HDDC2: variants seen among roughly 807,000 people sequenced by gnomAD.
HDDC2 encodes the protein 5'-deoxynucleotidase HDDC2.
Under a neutral mutation model 25.5 loss-of-function variants are expected in HDDC2, and 25 were observed. The observed-to-expected ratio is 0.98, with a 90% CI of 0.72 to 1.37. The LOEUF is 1.37. Ranked by LOEUF, HDDC2 falls within the 40% of genes most tolerant of loss-of-function variation. The pLI is 0.00. For missense variants in HDDC2, 264 were observed against 253.1 expected (o/e 1.04, Z -0.29); for synonymous variants, 106 against 89.7 (o/e 1.18, Z -1.03).
Position 125,275,581 on chromosome 6 carries a change from GA to G in HDDC2, c.*564del, listed in dbSNP as rs1237152449. The G allele has an allele frequency of 2.0e-5, 3 of 152,294 alleles. No homozygotes were observed. The highest frequency in any genetic ancestry group is 1.3e-4 in the Admixed American group (2 of 15,284). 9.4% of individuals were successfully genotyped at this position (152,294 alleles called of 1,614,324 possible). ...TCTAAATGACAAAAAGTATTGGGAAGAGGGGCAGAGCCTATTAGTAGGTTTA... is the reference window on the plus strand; with the variant it reads ...TCTAAATGACAAAAAGTATTGGGAAGGGGGCAGAGCCTATTAGTAGGTTTA... On this transcript the variant is annotated 3_prime_UTR_variant, in exon 6 of 6. Transcript: ENST00000398153.
intron 3 of HDDC2, chr6:125,297,550 G>A: frequency 2.5e-6 from 1 of 403,636 alleles, no homozygotes; most frequent in Non-Finnish European, 4.3e-6. Context: ...TCAAAATGGA[G>A]TTTCTTATGT....
chr6:125,287,872 CCA>C (rs1798565464), intron 4 of HDDC2, among the ~76,000 whole-genome samples: 1 of 152,214 alleles, frequency 6.6e-6, no homozygotes, highest in African/African-American at 2.4e-5. Flanking sequence ...CCTCATGCCG[CCA>C]CAGTGTCAGG....
intron 4 of HDDC2, chr6:125,278,063 GT>G (rs1798398823): frequency 6.6e-6 from 1 of 152,154 alleles, no homozygotes; most frequent in South Asian, 2.1e-4. Context: ...CCAAGTTCTT[GT>G]TTGTAATTCT....
chr6:125,277,391 G>A, intron 4 of HDDC2, 151 bp from the exon 5 acceptor site: 1 of 668,598 alleles, frequency 1.5e-6, no homozygotes, highest in Non-Finnish European at 2.5e-6. Flanking sequence ...ATCCATCAGA[G>A]ACACTTCTGT....
intron 3 of HDDC2, among the ~76,000 whole-genome samples, chr6:125,298,086 A>G (rs1798731865): frequency 6.6e-6 from 1 of 152,130 alleles, no homozygotes; most frequent in Non-Finnish European, 1.5e-5. Context: ...TATTTTCATT[A>G]TTCTAATGAA....
intron 4 of HDDC2, among the ~76,000 whole-genome samples, chr6:125,280,040 C>T (rs1454068198): frequency 4.6e-5 from 7 of 152,146 alleles, no homozygotes; most frequent in South Asian, 2.1e-4. Context: ...CTGGGGTATC[C>T]GGTTCATCTC....
At position 125,277,104 on chromosome 6, in the gene HDDC2, GC is replaced by G; in HGVS notation, c.514del (p.Ala172GlnfsTer9). 6.2e-7 allele frequency: 1 copy of G among 1,613,966 alleles called. No homozygotes were observed. The highest frequency in any genetic ancestry group is 8.5e-7 in the Non-Finnish European group (1 of 1,179,942). On this transcript the variant is annotated frameshift_variant, in exon 5 of 6. Transcript: ENST00000398153. LOFTEE classifies it high-confidence loss of function. ...GRLQDFYDST[A>X]GKFNHPEIVQ... The stretch of plus-strand genomic sequence containing the variant: ...TTGTTGAAAATGGTGTTGAGTACCT[GC>G]TGTGGAATCATAGAAGTCTTGCAGT...
intron 3 of HDDC2, among the ~76,000 whole-genome samples, chr6:125,297,971 A>G (rs1384256397): frequency 6.6e-6 from 1 of 152,228 alleles, no homozygotes; most frequent in African/African-American, 2.4e-5. Context: ...CTTAAAATTT[A>G]CTAAATAATA....
intron 4 of HDDC2, among the ~76,000 whole-genome samples, chr6:125,282,069 G>C (rs1466084868): frequency 6.6e-6 from 1 of 152,138 alleles, no homozygotes; most frequent in East Asian, 1.9e-4. Flanking sequence ...AAAAGGGCTG[G>C]GCACGGTGGC....
intron 3 of HDDC2, among the ~76,000 whole-genome samples, chr6:125,295,588 AC>A (rs1338442974): frequency 2.0e-5 from 3 of 152,320 alleles, no homozygotes; most frequent in Admixed American, 2.0e-4. Flanking sequence ...TATTATTGGC[AC>A]ATAATAAGCA....
At chr6:125,289,504 A>G (rs983721178) in intron 4 of HDDC2, among the ~76,000 whole-genome samples, 2 of 132,060 alleles carry the variant, frequency 1.5e-5, no homozygotes, top group Non-Finnish European at 3.1e-5. Context: ...ATTAAAAAAA[A>G]CAAAACAAAA....
At chr6:125,279,820 T>A (rs1225011141) in intron 4 of HDDC2, among the ~76,000 whole-genome samples, 2 of 151,996 alleles carry the variant, frequency 1.3e-5, no homozygotes, top group Non-Finnish European at 2.9e-5. Flanking sequence ...CAAAATAACA[T>A]CTCACAGGCA....
intron 1 of HDDC2, among the ~76,000 whole-genome samples, chr6:125,301,098 C>G (rs994438742): frequency 6.6e-6 from 1 of 152,156 alleles, no homozygotes; most frequent in African/African-American, 2.4e-5. Context: ...AAGGGCACTT[C>G]TAATTGCTTG....
intron 4 of HDDC2, among the ~76,000 whole-genome samples, chr6:125,283,783 C>T (rs9491363): frequency 0.45 from 68,198 of 152,042 alleles, 20,153 homozygotes; most frequent in African/African-American, 0.84. Context: ...TAAGCTACCA[C>T]TGACTTTCTC....
At chr6:125,297,674 C>A in intron 3 of HDDC2, 2 of 396,858 alleles carry the variant, frequency 5.0e-6, no homozygotes, top group South Asian at 2.6e-4. Context: ...CCTGTTAAAC[C>A]ATCTCAATAA....
intron 3 of HDDC2, chr6:125,293,122 C>T (rs1798656084): frequency 4.8e-6 from 3 of 626,478 alleles, no homozygotes; most frequent in Non-Finnish European, 8.7e-6. Flanking sequence ...ATGGGCTTCG[C>T]TTAGCACCTC....
chr6:125,279,167 T>A (rs1284990184), intron 4 of HDDC2: 2 of 152,164 alleles, frequency 1.3e-5, no homozygotes, highest in Non-Finnish European at 2.9e-5. Flanking sequence ...TCTCTAGAAA[T>A]CTCACATTTT....
Position 125,292,265 on chromosome 6 carries a change from A to AT in HDDC2, c.378+575dup, listed in dbSNP as rs543316122. 4.6e-5 allele frequency among the ~76,000 whole-genome samples: 7 copies of AT among 152,230 alleles called. No individual in the cohort carries two copies. In the South Asian group the frequency reaches 1.5e-3, roughly 32 times the overall value. ...AAGACAACAGTAGAAGAGGGAAGCA[A>AT]TGGGAAACAACAGCTGAACCTGCCC... On this transcript the variant is annotated intron_variant, in intron 4 of 5. Coordinates refer to ENST00000398153, the MANE Select transcript of HDDC2 (RefSeq NM_016063.3).
At chr6:125,285,639 A>G (rs1177576668) in intron 4 of HDDC2, among the ~76,000 whole-genome samples, 1 of 151,900 alleles carries the variant, frequency 6.6e-6, no homozygotes, top group East Asian at 1.9e-4. Context: ...AGAAAACCTT[A>G]AAATTAAATT....
Sources: allele counts gnomAD v4.1 joint callset (sites outside exome capture counted in the v4.1 genomes callset), GRCh38; gene constraint gnomAD v4.1.1; transcripts MANE v1.5; gene names NCBI Gene and HGNC (gene_info 2026-07-23, HGNC 2026-07-21).